The following NOL4L variants were observed in gnomAD, a reference collection of about 807,000 sequenced individuals.
The protein encoded by NOL4L is nucleolar protein 4 like.
A neutral mutation model predicts 64.5 loss-of-function variants in NOL4L; 7 were observed. The ratio of observed to expected loss-of-function variants is 0.11; its 90% confidence interval spans 0.06 to 0.20. NOL4L has a LOEUF of 0.20. Among genes scored for constraint, NOL4L ranks in the 10% least tolerant of loss-of-function variants. The pLI is 1.00. For synonymous variants in NOL4L, 413 were observed against 401.0 expected, an observed-to-expected ratio of 1.03 and a Z score of -0.36; for missense variants, 680 against 967.1, an observed-to-expected ratio of 0.70 and a Z score of 3.94.
At chr20:32,492,847 C>T (rs74426114) in intron 4 of NOL4L, among the ~76,000 whole-genome samples, 217 of 152,338 alleles carry the variant, frequency 1.4e-3, no homozygotes, top group African/African-American at 4.8e-3. Flanking sequence ...GCAGGTGACA[C>T]GTCCACAATC....
intron 5 of NOL4L, among the ~76,000 whole-genome samples, chr20:32,465,620 G>T (rs2014476077): frequency 6.6e-6 from 1 of 152,212 alleles, no homozygotes; most frequent in Non-Finnish European, 1.5e-5. Flanking sequence ...TGCTCCCCGT[G>T]TTCTCAGAGC....
At chr20:32,526,581 T>A (rs2018141535) in intron 2 of NOL4L, among the ~76,000 whole-genome samples, 2 of 151,736 alleles carry the variant, frequency 1.3e-5, no homozygotes, top group Admixed American at 1.3e-4. Flanking sequence ...CAAAGCTATT[T>A]ATACAAAGAA....
At chr20:32,470,250 T>C (rs1300205351) in intron 5 of NOL4L, among the ~76,000 whole-genome samples, 1 of 152,108 alleles carries the variant, frequency 6.6e-6, no homozygotes, top group Non-Finnish European at 1.5e-5. Flanking sequence ...AGGGGCAGAG[T>C]GAGAGGCCTG....
At chr20:32,476,600 AC>A (rs1287689012) in intron 4 of NOL4L, among the ~76,000 whole-genome samples, 16 of 152,188 alleles carry the variant, frequency 1.1e-4, no homozygotes, top group Non-Finnish European at 1.3e-4. Flanking sequence ...TGAAAGTGCC[AC>A]CTACTCCAAA....
At chr20:32,563,593 C>A (rs1013494265) in intron 1 of NOL4L, among the ~76,000 whole-genome samples, 2 of 151,936 alleles carry the variant, frequency 1.3e-5, no homozygotes, top group African/African-American at 4.8e-5. Context: ...CTGAGCCAGC[C>A]AGCCCAGGCC....
chr20:32,533,054 G>C (rs1389749937), intron 1 of NOL4L, among the ~76,000 whole-genome samples: 1 of 152,204 alleles, frequency 6.6e-6, no homozygotes, highest in Non-Finnish European at 1.5e-5. Flanking sequence ...AGGATGCTGA[G>C]ATGGGAAGAC....
intron 1 of NOL4L, among the ~76,000 whole-genome samples, chr20:32,547,708 C>T (rs1448990392): frequency 1.3e-5 from 2 of 152,162 alleles, no homozygotes; most frequent in African/African-American, 2.4e-5. Flanking sequence ...ACTGCAAGCT[C>T]AACAATCCTT....
At chr20:32,479,442 A>G (rs1032428219) in intron 4 of NOL4L, among the ~76,000 whole-genome samples, 2 of 152,206 alleles carry the variant, frequency 1.3e-5, no homozygotes, top group Admixed American at 6.5e-5. Context: ...TTAGAGAATA[A>G]AAGTGTGGGC....
chr20:32,490,991 C>G (rs1055346038), intron 4 of NOL4L, among the ~76,000 whole-genome samples: 5 of 152,208 alleles, frequency 3.3e-5, no homozygotes, highest in Admixed American at 2.0e-4. Context: ...CATGTGCGAC[C>G]CCTCCATGCC....
At chr20:32,569,564 G>A (rs1979635039) in intron 1 of NOL4L, among the ~76,000 whole-genome samples, 2 of 152,126 alleles carry the variant, frequency 1.3e-5, no homozygotes, top group Non-Finnish European at 2.9e-5. Flanking sequence ...GGAAAGGGGG[G>A]CTCAGAGGAG....
intron 5 of NOL4L, among the ~76,000 whole-genome samples, chr20:32,471,565 G>T (rs1220788523): frequency 1.3e-5 from 2 of 152,190 alleles, no homozygotes; most frequent in Non-Finnish European, 2.9e-5. Context: ...TGTGCTAACT[G>T]CCTGGCTCCC....
intron 4 of NOL4L, among the ~76,000 whole-genome samples, chr20:32,507,130 G>C (rs896408216): frequency 2.6e-5 from 4 of 152,112 alleles, no homozygotes; most frequent in Admixed American, 6.5e-5. Flanking sequence ...TTCTACAAGG[G>C]GCCTGAAATC....
At chr20:32,448,619 C>T (rs1174699909) in intron 10 of NOL4L, among the ~76,000 whole-genome samples, 1 of 152,212 alleles carries the variant, frequency 6.6e-6, no homozygotes, top group African/African-American at 2.4e-5. Context: ...AGGGTTCATG[C>T]TGCTAGGATA....
chr20:32,518,075 A>G (rs1212263257), intron 3 of NOL4L, among the ~76,000 whole-genome samples: 1 of 152,084 alleles, frequency 6.6e-6, no homozygotes, highest in East Asian at 1.9e-4. Flanking sequence ...AGGGCTGCAC[A>G]CCAGACCTGC....
rs1175303976 is a variant in NOL4L at position 32,488,827 on chromosome 20, TTTTCTTTC to T, written c.700-14093_700-14086del. Among the ~76,000 whole-genome samples the T allele has an allele frequency of 7.0e-3, 232 of 33,114 alleles. 4 individuals are homozygous for T. Among genetic ancestry groups the T allele is most frequent in the Middle Eastern group, 0.023 (2 of 86 alleles). 21.7% of individuals were successfully genotyped at this position (33,114 alleles called of 152,430 possible). A position where few individuals can be genotyped will look rare whatever the true frequency, so the allele number is the denominator to read the frequency against. ...TCTTTTTCTTTCTTTCTTTCTTTCT[TTTTCTTTC>T]TTTCTTTCTTTCTTTCTTTCTTTCT... On this transcript the variant is annotated intron_variant, in intron 4 of 10. Transcript: ENST00000621426.
At position 32,460,418 on chromosome 20, in the gene NOL4L, TGC is replaced by T. The variant is rs1254186376; in HGVS notation, c.842-4025_842-4024del. Among the ~76,000 whole-genome samples the T allele has an allele frequency of 1.3e-5, 2 of 152,092 alleles. No homozygotes were observed. The highest frequency in any genetic ancestry group is 4.8e-5 in the African/African-American group (2 of 41,418). Reference sequence around the variant, plus strand: ...CATGCCAGCCCCCACCCCACACAGCTGCCCCCGCGCCACATGCTCTGGGGGCT... The same window carrying T: ...CATGCCAGCCCCCACCCCACACAGCTCCCCGCGCCACATGCTCTGGGGGCT... On this transcript the variant is annotated intron_variant, in intron 5 of 10. Transcript: ENST00000621426. The surrounding 1 kb of genome is among the most constrained non-coding windows in gnomAD (Gnocchi z 5.7).
chr20:32,530,060 G>A (rs987012230), intron 1 of NOL4L, among the ~76,000 whole-genome samples: 4 of 152,174 alleles, frequency 2.6e-5, no homozygotes, highest in African/African-American at 9.7e-5. Context: ...TAAATGCCCA[G>A]CATTACAGGG....
chr20:32,559,219 T>C (rs1355834777), intron 1 of NOL4L, among the ~76,000 whole-genome samples: 1 of 152,158 alleles, frequency 6.6e-6, no homozygotes, highest in Non-Finnish European at 1.5e-5. Flanking sequence ...TGCTTTCCTC[T>C]CTGGACTCCC....
chr20:32,461,421 CTTT>C (rs869282447), intron 5 of NOL4L, among the ~76,000 whole-genome samples: 5 of 58,352 alleles, frequency 8.6e-5, no homozygotes, highest in Middle Eastern at 9.1e-3. Context: ...CCTTTCTTTT[CTTT>C]TTTTTTTTTT....
Sources: allele counts gnomAD v4.1 joint callset (sites outside exome capture counted in the v4.1 genomes callset), GRCh38; gene constraint gnomAD v4.1.1; non-coding constraint Gnocchi (gnomAD v3.1); transcripts MANE v1.5; gene names NCBI Gene and HGNC (gene_info 2026-07-23, HGNC 2026-07-21).